BMPER: variants seen among roughly 807,000 people sequenced by gnomAD.
The protein encoded by BMPER is BMP-binding endothelial regulator protein.
In BMPER, 45 loss-of-function variants were observed where a neutral mutation model predicts 87.3. The ratio of observed to expected loss-of-function variants is 0.52; its 90% CI spans 0.41 to 0.66. The LOEUF is 0.66. BMPER is among the 30% of genes least tolerant of loss of function. BMPER has a pLI of 0.00. For synonymous variants in BMPER, 326 were observed against 316.2 expected (o/e 1.03, Z -0.33); for missense variants, 784 against 867.5 (o/e 0.90, Z 1.21).
At chr7:33,926,500 A>G (rs1784365623) in intron 2 of BMPER, among the ~76,000 whole-genome samples, 1 of 152,196 alleles carries the variant, frequency 6.6e-6, no homozygotes, top group East Asian at 1.9e-4. Flanking sequence ...GTAATTGGCC[A>G]CTCTCGTTTC....
At chr7:33,909,969 C>G (rs1009802431) in intron 2 of BMPER, among the ~76,000 whole-genome samples, 1 of 152,144 alleles carries the variant, frequency 6.6e-6, no homozygotes, top group Admixed American at 6.5e-5. Flanking sequence ...TCATCCTCTG[C>G]GTAGACCTGA....
chr7:33,981,385 C>G (rs1785854439), intron 6 of BMPER, among the ~76,000 whole-genome samples: 1 of 152,314 alleles, frequency 6.6e-6, no homozygotes, highest in African/African-American at 2.4e-5. Context: ...TAGACAGTCT[C>G]CGCCCACTCA....
intron 6 of BMPER, among the ~76,000 whole-genome samples, chr7:33,978,561 G>T (rs1228129632): frequency 6.6e-6 from 1 of 152,176 alleles, no homozygotes; most frequent in Admixed American, 6.5e-5. Context: ...GTTGAGGGCT[G>T]CTCCCGGGAG....
intron 13 of BMPER, among the ~76,000 whole-genome samples, chr7:34,140,813 C>T (rs536047751): frequency 1.3e-5 from 2 of 152,214 alleles, no homozygotes; most frequent in Non-Finnish European, 2.9e-5. Context: ...TACAGAATTA[C>T]AGTAGACATT....
intron 11 of BMPER, among the ~76,000 whole-genome samples, chr7:34,074,994 T>G (rs1027746534): frequency 2.7e-5 from 4 of 150,274 alleles, no homozygotes; most frequent in African/African-American, 7.3e-5. Flanking sequence ...GGATTAGAGT[T>G]TACTCAGTTT....
chr7:33,949,304 A>G (rs1784964080), intron 3 of BMPER, among the ~76,000 whole-genome samples: 1 of 152,212 alleles, frequency 6.6e-6, no homozygotes, highest in African/African-American at 2.4e-5. Flanking sequence ...AAAAGCACCC[A>G]AAAATATCTA....
chr7:34,016,357 CT>C (rs1275600175), intron 6 of BMPER, among the ~76,000 whole-genome samples: 1 of 151,882 alleles, frequency 6.6e-6, no homozygotes, highest in Admixed American at 6.6e-5. Flanking sequence ...CCTTTACTTT[CT>C]TTCCCAAATG....
intron 13 of BMPER, among the ~76,000 whole-genome samples, chr7:34,088,328 C>T (rs1391806014): frequency 2.0e-5 from 3 of 152,158 alleles, no homozygotes; most frequent in East Asian, 1.9e-4. Flanking sequence ...ATCTCACAGT[C>T]CAACAGGAGG....
At chr7:33,923,165 G>T (rs1784277351) in intron 2 of BMPER, among the ~76,000 whole-genome samples, 1 of 152,080 alleles carries the variant, frequency 6.6e-6, no homozygotes, top group South Asian at 2.1e-4. Flanking sequence ...ACATTTTTTG[G>T]CATGAGACAT....
chr7:33,937,686 G>A (rs929228627), intron 3 of BMPER: 5 of 417,392 alleles, frequency 1.2e-5, no homozygotes, highest in Admixed American at 7.3e-5. Context: ...CAACCACCAT[G>A]CCTCTGCATA....
intron 6 of BMPER, among the ~76,000 whole-genome samples, chr7:33,998,772 G>A (rs1786492872): frequency 6.6e-6 from 1 of 152,224 alleles, no homozygotes. Context: ...TCCCCCGGCT[G>A]CCGAAGGCCT....
At chr7:34,123,088 A>C (rs1316305825) in intron 13 of BMPER, among the ~76,000 whole-genome samples, 1 of 152,190 alleles carries the variant, frequency 6.6e-6, no homozygotes, top group Non-Finnish European at 1.5e-5. Flanking sequence ...TTACCCCCAC[A>C]ATTTTATTTC....
chr7:33,963,108 A>T (rs1229362106), intron 3 of BMPER, among the ~76,000 whole-genome samples: 1 of 152,222 alleles, frequency 6.6e-6, no homozygotes, highest in Non-Finnish European at 1.5e-5. Flanking sequence ...ATTTGGAGTA[A>T]GCCCTTTAGC....
intron 7 of BMPER, among the ~76,000 whole-genome samples, chr7:34,046,900 G>C (rs1261423739): frequency 1.3e-5 from 2 of 149,722 alleles, no homozygotes; most frequent in African/African-American, 4.9e-5. Flanking sequence ...CATTTAATAG[G>C]TATTAGGCAC....
chr7:34,002,797 A>T (rs1786616508), intron 6 of BMPER, among the ~76,000 whole-genome samples: 1 of 151,542 alleles, frequency 6.6e-6, no homozygotes, highest in Non-Finnish European at 1.5e-5. Context: ...TGTCTTAAAG[A>T]CTTTTTTGTT....
intron 6 of BMPER, among the ~76,000 whole-genome samples, chr7:33,989,810 A>G (rs1786149788): frequency 6.6e-6 from 1 of 152,166 alleles, no homozygotes. Context: ...TAAGGAAGGG[A>G]TCCAGTTTCA....
chr7:34,107,553 CG>C (rs1319447362), intron 13 of BMPER, among the ~76,000 whole-genome samples: 4 of 152,126 alleles, frequency 2.6e-5, no homozygotes, highest in Non-Finnish European at 5.9e-5. Flanking sequence ...ATTTGGATTT[CG>C]AGTTAGGTTT....
chr7:33,909,871 G>T (rs1264462004), intron 2 of BMPER, among the ~76,000 whole-genome samples: 1 of 152,168 alleles, frequency 6.6e-6, no homozygotes, highest in Non-Finnish European at 1.5e-5. Flanking sequence ...TCAAAGGTTG[G>T]AGTGAGCTCA....
At chr7:33,993,348 C>T (rs962685176) in intron 6 of BMPER, among the ~76,000 whole-genome samples, 2 of 152,084 alleles carry the variant, frequency 1.3e-5, no homozygotes, top group Non-Finnish European at 2.9e-5. Context: ...AACTTCCCTT[C>T]TCGCTTCATT....
Sources: allele counts gnomAD v4.1 joint callset (sites outside exome capture counted in the v4.1 genomes callset), GRCh38; gene constraint gnomAD v4.1.1; transcripts MANE v1.5; gene names NCBI Gene and HGNC (gene_info 2026-07-23, HGNC 2026-07-21).